The following GAB2 variants were observed in gnomAD, a reference collection of about 807,000 sequenced individuals.
GAB2 encodes GRB2 associated binding protein 2.
A neutral mutation model predicts 65.5 loss-of-function variants in GAB2; 26 were observed. The ratio of observed to expected loss-of-function variants is 0.40; its 90% confidence interval spans 0.29 to 0.55. The LOEUF (loss-of-function observed/expected upper bound fraction) is 0.55, where lower values mean the gene tolerates loss of function less well. Ranked by LOEUF, GAB2 falls within the 20% of genes least tolerant of loss-of-function variation. The probability of loss-of-function intolerance (pLI) is 0.53; values close to 1 mark genes in which losing one functional copy is unlikely to be tolerated. For missense variants in GAB2, 884 were observed against 875.8 expected, an observed-to-expected ratio of 1.01 and a Z score of -0.12; for synonymous variants, 321 against 329.6, an observed-to-expected ratio of 0.97 and a Z score of 0.28.
At chr11:78,387,322 A>T (rs960348804) in intron 1 of GAB2, among the ~76,000 whole-genome samples, 4 of 152,184 alleles carry the variant, frequency 2.6e-5, no homozygotes, top group Non-Finnish European at 1.5e-5. Flanking sequence ...TAGATGTACT[A>T]GCATTGGTCA....
At chr11:78,376,938 G>C (rs1262820658) in intron 1 of GAB2, among the ~76,000 whole-genome samples, 1 of 152,212 alleles carries the variant, frequency 6.6e-6, no homozygotes, top group Admixed American at 6.5e-5. Context: ...GCTTGGTGCT[G>C]TGAGTCTTGT....
At chr11:78,235,191 C>T (rs1376945563) in intron 3 of GAB2, among the ~76,000 whole-genome samples, 3 of 151,900 alleles carry the variant, frequency 2.0e-5, no homozygotes, top group African/African-American at 4.8e-5. Context: ...CTCACTCTGT[C>T]GCCCAGGCTG....
At chr11:78,247,803 A>C (rs1020239334) in intron 3 of GAB2, among the ~76,000 whole-genome samples, 30 of 152,330 alleles carry the variant, frequency 2.0e-4, no homozygotes, top group African/African-American at 7.0e-4. Flanking sequence ...TTCTGGATTT[A>C]AGAAAGCTTC....
At chr11:78,358,947 G>A (rs1856397738) in intron 1 of GAB2, among the ~76,000 whole-genome samples, 1 of 152,036 alleles carries the variant, frequency 6.6e-6, no homozygotes, top group African/African-American at 2.4e-5. Context: ...GTCCAAAAAT[G>A]AAAATTACAA....
At chr11:78,267,979 T>TA (rs1370931818) in intron 2 of GAB2, among the ~76,000 whole-genome samples, 2 of 151,876 alleles carry the variant, frequency 1.3e-5, no homozygotes, top group Non-Finnish European at 2.9e-5. Flanking sequence ...TATGGACTGA[T>TA]AAAAATTTCT....
In GAB2 at chr11:78,250,362, G is replaced by T. The variant is rs201497438; in HGVS notation, c.415C>A (p.Arg139Ser). The change falls in exon 3 of 10, where the codon CGC becomes AGC. Residue 139 changes from arginine (R) to serine (S), a missense_variant. Coordinates refer to ENST00000361507, the MANE Select transcript of GAB2 (RefSeq NM_080491.3). ...RNVSSAGHGP[R>S]SSPAELSSSS... ...CTGCTGAGCTCAGCTGGAGAAGAGCGGGGGCCATGACCGGCTGAGGAAACA... is the reference window on the plus strand; with the variant it reads ...CTGCTGAGCTCAGCTGGAGAAGAGCTGGGGCCATGACCGGCTGAGGAAACA... 2.5e-6 allele frequency: 4 copies of T among 1,612,750 alleles called. No homozygotes were observed. In the African/African-American group the frequency reaches 5.3e-5, roughly 22 times the overall value.
intron 1 of GAB2, among the ~76,000 whole-genome samples, chr11:78,315,022 C>A (rs1202217166): frequency 1.3e-5 from 2 of 152,156 alleles, no homozygotes; most frequent in Admixed American, 1.3e-4. Context: ...GCAGATAAAG[C>A]TCAGAAAACA....
At chr11:78,273,754 C>T (rs1190213642) in intron 2 of GAB2, among the ~76,000 whole-genome samples, 1 of 152,080 alleles carries the variant, frequency 6.6e-6, no homozygotes, top group Non-Finnish European at 1.5e-5. Flanking sequence ...TGGCTGTGTC[C>T]CCACCCAAAT....
intron 2 of GAB2, among the ~76,000 whole-genome samples, chr11:78,278,718 C>A (rs1047234238): frequency 1.5e-5 from 2 of 135,504 alleles, no homozygotes; most frequent in African/African-American, 6.2e-5. Context: ...CCACCCCCAA[C>A]ATTTTTGTTT....
intron 2 of GAB2, among the ~76,000 whole-genome samples, chr11:78,267,189 C>T (rs1865894098): frequency 6.6e-6 from 1 of 152,168 alleles, no homozygotes; most frequent in Admixed American, 6.5e-5. Flanking sequence ...GAAAATTAGC[C>T]AAGATCCCAG....
At chr11:78,364,324 C>T (rs1856470770) in intron 1 of GAB2, among the ~76,000 whole-genome samples, 1 of 152,214 alleles carries the variant, frequency 6.6e-6, no homozygotes, top group African/African-American at 2.4e-5. Context: ...CTTCTCTACA[C>T]TCCTTCCCCT....
rs573571370 is a variant in GAB2, at chr11:78,250,058, G to A, written c.620+99C>T. ...ATAGACGTGTTTGTCTACCTGAAAC[G>A]ATATAATGTTTTGCTTGTCTTTAAA... On this transcript the variant is annotated intron_variant, in intron 3 of 9. Transcript: ENST00000361507. 7.9e-4 allele frequency: 983 copies of A among 1,243,200 alleles called. 18 individuals carry two copies. In the South Asian group the frequency reaches 0.011, roughly 14 times the overall value. The allele number at this position is 1,243,200 out of a possible 1,614,324, so 77.0% of individuals were successfully genotyped here.
At chr11:78,362,808 A>G (rs1345814524) in intron 1 of GAB2, among the ~76,000 whole-genome samples, 3 of 152,216 alleles carry the variant, frequency 2.0e-5, no homozygotes, top group Non-Finnish European at 2.9e-5. Flanking sequence ...ATTACTCAAA[A>G]GAATGCTGCT....
At chr11:78,239,773 C>A (rs1865077452) in intron 3 of GAB2, among the ~76,000 whole-genome samples, 1 of 152,180 alleles carries the variant, frequency 6.6e-6, no homozygotes, top group South Asian at 2.1e-4. Context: ...ACTGGAGTCC[C>A]CTGAAGTCCT....
intron 2 of GAB2, among the ~76,000 whole-genome samples, chr11:78,253,449 G>A (rs528907052): frequency 6.6e-6 from 1 of 151,944 alleles, no homozygotes; most frequent in Non-Finnish European, 1.5e-5. Context: ...GCACCACCAC[G>A]CCAGGCCAAT....
At chr11:78,389,311 C>CTTT (rs113709383) in intron 1 of GAB2, among the ~76,000 whole-genome samples, 3,194 of 144,164 alleles carry the variant, frequency 0.022, 93 homozygotes, top group African/African-American at 0.069. Context: ...TGTGGTTTTC[C>CTTT]TTTTTTTTTT....
At chr11:78,274,771 G>C (rs1038657271) in intron 2 of GAB2, among the ~76,000 whole-genome samples, 5 of 152,188 alleles carry the variant, frequency 3.3e-5, no homozygotes, top group African/African-American at 1.2e-4. Context: ...GCCTGCCATA[G>C]GGACCCCTGG....
chr11:78,271,618 C>A (rs1353282484), intron 2 of GAB2, among the ~76,000 whole-genome samples: 1 of 152,006 alleles, frequency 6.6e-6, no homozygotes, highest in Non-Finnish European at 1.5e-5. Flanking sequence ...GATGAAAAAA[C>A]AGACAGTCTC....
At chr11:78,220,820 C>G (rs1482075365) in intron 8 of GAB2, among the ~76,000 whole-genome samples, 2 of 152,184 alleles carry the variant, frequency 1.3e-5, no homozygotes, top group East Asian at 3.9e-4. Context: ...AACAGTGGCT[C>G]TCCTGAGACA....
Sources: gnomAD v4.1 joint callset for allele counts (sites outside exome capture counted in the v4.1 genomes callset) on GRCh38, gnomAD v4.1.1 for gene constraint, MANE v1.5 for transcripts, NCBI Gene and HGNC (gene_info 2026-07-23, HGNC 2026-07-21) for gene names.